The following TAF2 variants were observed in gnomAD, a reference collection of about 807,000 sequenced individuals.
The protein encoded by TAF2 is TATA-box binding protein associated factor 2.
In TAF2, 61 loss-of-function variants were observed where a neutral mutation model predicts 138.5. That is an observed-to-expected ratio of 0.44 (90% CI 0.36 to 0.54). The LOEUF (loss-of-function observed/expected upper bound fraction) is 0.54, where lower values mean the gene tolerates loss of function less well. Ranked by LOEUF, TAF2 falls within the 20% of genes least tolerant of loss-of-function variation. The pLI is 0.00. For missense variants in TAF2, 1,090 were observed against 1,427.9 expected (o/e 0.76, Z 3.81); for synonymous variants, 475 against 469.9 (o/e 1.01, Z -0.14).
intron 18 of TAF2, among the ~76,000 whole-genome samples, chr8:119,765,322 A>G (rs1821345508): frequency 1.3e-5 from 2 of 152,224 alleles, no homozygotes; most frequent in Admixed American, 1.3e-4. Context: ...AAGACAGGAA[A>G]AGTAATCAAA....
intron 2 of TAF2, among the ~76,000 whole-genome samples, chr8:119,827,362 T>C (rs968255458): frequency 1.3e-5 from 2 of 152,310 alleles, no homozygotes; most frequent in Middle Eastern, 3.4e-3. Context: ...TCTCTCACCA[T>C]CCTTTATCTG....
chr8:119,784,908 T>C (rs1337415102), intron 15 of TAF2, among the ~76,000 whole-genome samples: 1 of 152,172 alleles, frequency 6.6e-6, no homozygotes, highest in Admixed American at 6.5e-5. Flanking sequence ...GTCTGAGCAC[T>C]GCTCTAGAGG....
intron 23 of TAF2, chr8:119,744,658 G>A: frequency 2.1e-6 from 1 of 474,266 alleles, no homozygotes; most frequent in Non-Finnish European, 3.8e-6. Flanking sequence ...GTAGTGAGTT[G>A]TGGTGGAACG....
At chr8:119,738,058 A>G (rs907174252) in intron 25 of TAF2, among the ~76,000 whole-genome samples, 3 of 151,892 alleles carry the variant, frequency 2.0e-5, no homozygotes, top group Admixed American at 2.0e-4. Flanking sequence ...ATTGCATACT[A>G]TATACTATAA....
At chr8:119,778,448 G>C (rs888111560) in intron 17 of TAF2, among the ~76,000 whole-genome samples, 6 of 152,194 alleles carry the variant, frequency 3.9e-5, no homozygotes, top group African/African-American at 1.4e-4. Context: ...TGATACAGTG[G>C]AAAAGGCACA....
At chr8:119,733,938 T>C (rs1819048892) in intron 25 of TAF2, among the ~76,000 whole-genome samples, 1 of 152,114 alleles carries the variant, frequency 6.6e-6, no homozygotes, top group African/African-American at 2.4e-5. Context: ...GTGTCTAATG[T>C]ATATGTAGTT....
chr8:119,783,624 G>A lies in TAF2; in HGVS notation c.1869C>T (p.Ser623=), dbSNP rs771179633. ...DMDLSAMDAD[S]PLLWIRIDPD... ...GGTCTATCCTTATCCACAGCAAAGGGGAATCAGCACTGCAAGAAAATACAA... is the reference window on the plus strand; with the variant it reads ...GGTCTATCCTTATCCACAGCAAAGGAGAATCAGCACTGCAAGAAAATACAA... The change falls in exon 16 of 26, where the codon TCC becomes TCT. Residue 623 remains serine (S), a synonymous_variant. Coordinates refer to ENST00000378164, the MANE Select transcript of TAF2 (RefSeq NM_003184.4). 1 of 1,613,660 alleles carries A rather than the reference G, an allele frequency of 6.2e-7. No individual in the cohort carries two copies. The highest frequency in any genetic ancestry group is 8.5e-7 in the Non-Finnish European group (1 of 1,179,812).
rs577202168 is a variant in TAF2 at position 119,765,568 on chromosome 8, G to C, written c.2365-2960C>G. 3.3e-5 allele frequency among the ~76,000 whole-genome samples: 5 copies of C among 152,242 alleles called. No individual in the cohort carries two copies. In the South Asian group the frequency reaches 1.0e-3, roughly 32 times the overall value. ...GTACAAAGCTGGAGGGGTGGACTGG[G>C]ACCACCAACATTCAAAATGTTTTTG... On this transcript the variant is annotated intron_variant, in intron 18 of 25. Transcript: ENST00000378164.
chr8:119,813,910 GT>G (rs1284459968), intron 3 of TAF2, among the ~76,000 whole-genome samples: 2 of 152,120 alleles, frequency 1.3e-5, no homozygotes, highest in Non-Finnish European at 2.9e-5. Context: ...GAGGCCAGGA[GT>G]TCAAAACCAG....
intron 13 of TAF2, 26 bp downstream of exon 13, chr8:119,788,764 A>C (rs1009903022): frequency 3.9e-6 from 6 of 1,529,356 alleles, no homozygotes; most frequent in Non-Finnish European, 5.4e-6. Flanking sequence ...ATAGCAGTAC[A>C]AAGGCGATTT....
intron 6 of TAF2, among the ~76,000 whole-genome samples, chr8:119,801,258 T>A (rs768222627): frequency 2.9e-4 from 44 of 152,196 alleles, no homozygotes; most frequent in Non-Finnish European, 3.5e-4. Flanking sequence ...TGAAGCTCTT[T>A]TGAAATGCTA....
chr8:119,781,535 C>T (rs976447350), intron 16 of TAF2, among the ~76,000 whole-genome samples: 3 of 152,020 alleles, frequency 2.0e-5, no homozygotes, highest in Admixed American at 6.6e-5. Context: ...AATAAATTAG[C>T]CGGGCATGAT....
At chr8:119,774,882 G>A (rs1402497628) in intron 18 of TAF2, among the ~76,000 whole-genome samples, 1 of 151,608 alleles carries the variant, frequency 6.6e-6, no homozygotes, top group African/African-American at 2.4e-5. Flanking sequence ...ATTTTAGTAG[G>A]ATCCTCAGAG....
rs1586565745 is a variant in TAF2, at chr8:119,831,619, G to C, written c.138+58C>G. 4.7e-6 allele frequency: 6 copies of C among 1,289,044 alleles called. No homozygotes were observed. The East Asian group carries it at 1.4e-4, about 30-fold the overall frequency. 79.9% of individuals were successfully genotyped at this position (1,289,044 alleles called of 1,614,324 possible). A position where few individuals can be genotyped will look rare whatever the true frequency, so the allele number is the denominator to read the frequency against. On this transcript the variant is annotated intron_variant, in intron 2 of 25. Transcript: ENST00000378164. ...AACTTTCTAAGTACTGTGAGGGGTG[G>C]ATTGTTACTCTTTATAGTGGACTTG...
At chr8:119,775,195 C>T (rs1292802446) in intron 18 of TAF2, among the ~76,000 whole-genome samples, 1 of 149,688 alleles carries the variant, frequency 6.7e-6, no homozygotes, top group African/African-American at 2.5e-5. Flanking sequence ...GCAGGAGAAT[C>T]GCTTAAACCC....
chr8:119,826,589 TTCC>T (rs776102154), intron 2 of TAF2, among the ~76,000 whole-genome samples: 3 of 151,730 alleles, frequency 2.0e-5, no homozygotes, highest in Non-Finnish European at 4.4e-5. Context: ...ACCATTCCAT[TTCC>T]TCCTTTTTTT....
chr8:119,797,681 CA>C lies in TAF2; in HGVS notation c.957del (p.Tyr319Ter). 6.2e-7 allele frequency: 1 copy of C among 1,613,326 alleles called. No homozygotes were observed. The highest frequency in any genetic ancestry group is 8.5e-7 in the Non-Finnish European group (1 of 1,179,656). On this transcript the variant is annotated frameshift_variant, in exon 7 of 26. Coordinates refer to ENST00000378164, the MANE Select transcript of TAF2 (RefSeq NM_003184.4). LOFTEE classifies it high-confidence loss of function. The part of the protein sequence containing the change: ...IDEAYVEVAA[Y>X]ASMSIFSTNL... ...ACCAACCTAAAAATGCTCATGGAAG[CA>C]TAAGCAGCCACTTCAACATAAGCCT... is the stretch of plus-strand genomic sequence containing the variant.
At chr8:119,744,589 A>C in intron 23 of TAF2, 196 bp from the exon 24 acceptor site, 1 of 595,570 alleles carries the variant, frequency 1.7e-6, no homozygotes, top group Non-Finnish European at 3.0e-6. Flanking sequence ...AAAGAAGCCA[A>C]TTAGAAATTA....
chr8:119,826,387 G>A (rs1453852203), intron 2 of TAF2, among the ~76,000 whole-genome samples: 4 of 152,064 alleles, frequency 2.6e-5, no homozygotes, highest in African/African-American at 9.7e-5. Flanking sequence ...CCATGATTGT[G>A]AGGTTTCCCC....
Sources: gnomAD v4.1 joint callset for allele counts (sites outside exome capture counted in the v4.1 genomes callset) on GRCh38, gnomAD v4.1.1 for gene constraint, MANE v1.5 for transcripts, NCBI Gene and HGNC (gene_info 2026-07-23, HGNC 2026-07-21) for gene names.